Variants in CADM2 observed in about 807,000 individuals in gnomAD.
CADM2 encodes immunoglobulin superfamily member 4D.
In CADM2, 12 loss-of-function variants were observed where a neutral mutation model predicts 49.8. That is an observed-to-expected ratio of 0.24 (90% CI 0.15 to 0.39). The LOEUF is 0.39. Ranked by LOEUF, CADM2 falls within the 10% of genes least tolerant of loss-of-function variation. The pLI is 1.00. For synonymous variants in CADM2, 214 were observed against 175.4 expected (o/e 1.22, Z -1.74); for missense variants, 378 against 492.3 (o/e 0.77, Z 2.20).
At chr3:85,518,415 A>G (rs980123070) in intron 1 of CADM2, among the ~76,000 whole-genome samples, 3 of 147,570 alleles carry the variant, frequency 2.0e-5, no homozygotes, top group African/African-American at 5.2e-5. Context: ...GTTTAAAACA[A>G]TCTAGGCTTT....
At chr3:85,369,322 A>G (rs975615428) in intron 1 of CADM2, among the ~76,000 whole-genome samples, 2 of 152,244 alleles carry the variant, frequency 1.3e-5, no homozygotes, top group African/African-American at 4.8e-5. Context: ...GACTACATAT[A>G]TGATGGTGGT....
chr3:85,036,397 TAAC>T (rs1445426541), intron 1 of CADM2, among the ~76,000 whole-genome samples: 1 of 151,964 alleles, frequency 6.6e-6, no homozygotes, highest in African/African-American at 2.4e-5. Flanking sequence ...AAAAATAACT[TAAC>T]GACTTAAAAT....
At position 85,964,306 on chromosome 3, in the gene CADM2, G is replaced by A. The variant is rs556488517; in HGVS notation, c.970+2659G>A. 3.3e-5 allele frequency among the ~76,000 whole-genome samples: 5 copies of A among 151,772 alleles called. No individual in the cohort carries two copies. The East Asian group carries it at 7.8e-4, about 24-fold the overall frequency. On this transcript the variant is annotated intron_variant, in intron 8 of 9. Coordinates refer to ENST00000383699, the MANE Select transcript of CADM2 (RefSeq NM_001167675.2). ...TAATTTAATATAGCTCTAGTACAGA[G>A]GATTTTTCACGAGCTGAGACCCGTG... is the stretch of plus-strand genomic sequence containing the variant.
At chr3:85,045,247 C>G (rs554550353) in intron 1 of CADM2, among the ~76,000 whole-genome samples, 2 of 152,064 alleles carry the variant, frequency 1.3e-5, no homozygotes, top group Non-Finnish European at 2.9e-5. Flanking sequence ...TTTTGGAATT[C>G]TTGTTTCTTT....
At chr3:85,466,343 A>G (rs560362756) in intron 1 of CADM2, among the ~76,000 whole-genome samples, 1 of 152,306 alleles carries the variant, frequency 6.6e-6, no homozygotes, top group Non-Finnish European at 1.5e-5. Context: ...TAATTTCAGG[A>G]GGAGTTTTTC....
intron 1 of CADM2, among the ~76,000 whole-genome samples, chr3:85,044,866 G>GA (rs1326959412): frequency 6.9e-6 from 1 of 145,546 alleles, no homozygotes. Flanking sequence ...ATATGGATTA[G>GA]AAAAAATAAT....
intron 3 of CADM2, among the ~76,000 whole-genome samples, chr3:85,817,527 T>C (rs1423662464): frequency 6.6e-6 from 1 of 152,194 alleles, no homozygotes; most frequent in Non-Finnish European, 1.5e-5. Flanking sequence ...GTGGGGATGA[T>C]GATCAGTTAT....
At chr3:85,032,494 T>A (rs551518589) in intron 1 of CADM2, among the ~76,000 whole-genome samples, 3 of 152,088 alleles carry the variant, frequency 2.0e-5, no homozygotes, top group Non-Finnish European at 4.4e-5. Flanking sequence ...AAGAAAAAAA[T>A]GTAAAAGAAA....
intron 1 of CADM2, among the ~76,000 whole-genome samples, chr3:85,412,916 C>G (rs534097744): frequency 1.3e-5 from 2 of 151,200 alleles, no homozygotes; most frequent in Non-Finnish European, 2.9e-5. Flanking sequence ...CCGAGGCGGG[C>G]GGATCACGAG....
intron 1 of CADM2, among the ~76,000 whole-genome samples, chr3:85,189,985 C>A (rs1168741396): frequency 1.7e-5 from 2 of 120,844 alleles, no homozygotes; most frequent in Non-Finnish European, 3.2e-5. Context: ...TTAGTGTCTG[C>A]ATGGATGAAC....
At chr3:85,569,697 AT>A (rs1424780118) in intron 1 of CADM2, among the ~76,000 whole-genome samples, 2 of 121,808 alleles carry the variant, frequency 1.6e-5, no homozygotes, top group Non-Finnish European at 1.8e-5. Context: ...AACCTTTCTA[AT>A]GGCAAAAAAA....
chr3:85,063,367 A>T (rs1253761844), intron 1 of CADM2, among the ~76,000 whole-genome samples: 1 of 152,006 alleles, frequency 6.6e-6, no homozygotes, highest in Non-Finnish European at 1.5e-5. Context: ...ATCTCCGATG[A>T]TCCACGGCAA....
At chr3:85,134,327 G>A (rs1185771018) in intron 1 of CADM2, among the ~76,000 whole-genome samples, 3 of 152,214 alleles carry the variant, frequency 2.0e-5, no homozygotes, top group Non-Finnish European at 4.4e-5. Context: ...GCGGCGGGCC[G>A]AAGGGCCCCT....
intron 1 of CADM2, among the ~76,000 whole-genome samples, chr3:85,382,077 A>C (rs1452812324): frequency 6.6e-6 from 1 of 152,134 alleles, no homozygotes; most frequent in Non-Finnish European, 1.5e-5. Context: ...CAGTGTGACT[A>C]TCAAATAATT....
At chr3:85,341,325 T>G (rs1340739241) in intron 1 of CADM2, among the ~76,000 whole-genome samples, 2 of 151,938 alleles carry the variant, frequency 1.3e-5, no homozygotes, top group Non-Finnish European at 2.9e-5. Context: ...ATTGTTAAAC[T>G]TGATAAGTAT....
At chr3:85,437,038 C>G (rs955520992) in intron 1 of CADM2, among the ~76,000 whole-genome samples, 11 of 150,706 alleles carry the variant, frequency 7.3e-5, no homozygotes, top group Admixed American at 6.0e-4. Flanking sequence ...AACCAGTGAT[C>G]TTTTTACTAC....
At chr3:85,761,414 C>G (rs1209890002) in intron 2 of CADM2, among the ~76,000 whole-genome samples, 9 of 134,106 alleles carry the variant, frequency 6.7e-5, no homozygotes, top group African/African-American at 2.9e-5. Flanking sequence ...CACTCTGTCT[C>G]CAGGCTGGAG....
chr3:85,505,571 T>C (rs2040312609), intron 1 of CADM2, among the ~76,000 whole-genome samples: 1 of 152,200 alleles, frequency 6.6e-6, no homozygotes, highest in African/African-American at 2.4e-5. Flanking sequence ...ATAACATTAA[T>C]GTGTTTTGCT....
rs916241940 is a variant in CADM2, at chr3:85,375,980, A to G, written c.62-350542A>G. Among the ~76,000 whole-genome samples the G allele has an allele frequency of 5.3e-5, 8 of 152,180 alleles. No homozygotes were observed. The East Asian group carries it at 1.5e-3, about 29-fold the overall frequency. ...CTAATAACTAATAGTCACTGGATAC[A>G]TATGATCAGTTTTTATGCTAAGCAT... On this transcript the variant is annotated intron_variant, in intron 1 of 9. Coordinates refer to ENST00000383699, the MANE Select transcript of CADM2 (RefSeq NM_001167675.2).
Sources: allele counts gnomAD v4.1 joint callset (sites outside exome capture counted in the v4.1 genomes callset), GRCh38; gene constraint gnomAD v4.1.1; transcripts MANE v1.5; gene names NCBI Gene and HGNC (gene_info 2026-07-23, HGNC 2026-07-21).